SEL1L2: variants seen among roughly 807,000 people sequenced by gnomAD.
SEL1L2 encodes the protein SEL1L2 adaptor subunit of SYVN1 ubiquitin ligase.
A neutral mutation model predicts 98.8 loss-of-function variants in SEL1L2; 89 were observed. The observed-to-expected ratio is 0.90, with a 90% CI of 0.76 to 1.07. The LOEUF is 1.07. Ranked by LOEUF, SEL1L2 falls within the 50% of genes least tolerant of loss-of-function variation. The probability of loss-of-function intolerance (pLI) is 0.00; values close to 1 mark genes in which losing one functional copy is unlikely to be tolerated. For missense variants in SEL1L2, 788 were observed against 812.0 expected, an observed-to-expected ratio of 0.97 and a Z score of 0.36; for synonymous variants, 262 against 278.5, an observed-to-expected ratio of 0.94 and a Z score of 0.59.
intron 3 of SEL1L2, among the ~76,000 whole-genome samples, chr20:13,927,704 C>T (rs1434136043): frequency 1.3e-5 from 2 of 152,144 alleles, no homozygotes; most frequent in Non-Finnish European, 2.9e-5. Context: ...ATATCTCAAG[C>T]ATATCCTGTG....
intron 2 of SEL1L2, 134 bp from the exon 3 acceptor site, chr20:13,931,905 T>G: frequency 1.6e-6 from 1 of 635,706 alleles, no homozygotes; most frequent in Non-Finnish European, 2.4e-6. Flanking sequence ...CTTGCTTTTT[T>G]CAAATCAAAA....
chr20:13,881,538 T>A (rs983024774), intron 10 of SEL1L2, among the ~76,000 whole-genome samples: 1 of 152,222 alleles, frequency 6.6e-6, no homozygotes, highest in Non-Finnish European at 1.5e-5. Context: ...TTCATATATT[T>A]AGAAATGCAA....
At chr20:13,851,859 C>T (rs190272402) in intron 18 of SEL1L2, among the ~76,000 whole-genome samples, 2 of 149,342 alleles carry the variant, frequency 1.3e-5, no homozygotes, top group East Asian at 2.0e-4. Flanking sequence ...TGTTTTTTTG[C>T]GGGGGGTGGG....
chr20:13,960,787 C>T (rs1365088850), intron 1 of SEL1L2, among the ~76,000 whole-genome samples: 3 of 152,054 alleles, frequency 2.0e-5, no homozygotes, highest in East Asian at 1.9e-4. Flanking sequence ...CACAATCTAC[C>T]GGGTACAGGA....
At chr20:13,938,841 T>G (rs1286289662) in intron 2 of SEL1L2, among the ~76,000 whole-genome samples, 1 of 152,084 alleles carries the variant, frequency 6.6e-6, no homozygotes, top group Non-Finnish European at 1.5e-5. Flanking sequence ...TATTACTATA[T>G]TAACTATATA....
intron 17 of SEL1L2, among the ~76,000 whole-genome samples, chr20:13,863,080 G>A (rs1276530732): frequency 6.6e-6 from 1 of 152,154 alleles, no homozygotes; most frequent in Non-Finnish European, 1.5e-5. Flanking sequence ...GTAACTGGGA[G>A]CAAGAACTTA....
chr20:13,973,517 GC>G (rs2051381747), intron 1 of SEL1L2: 1 of 152,222 alleles, frequency 6.6e-6, no homozygotes, highest in Admixed American at 6.5e-5. Context: ...TGTGGGTATT[GC>G]AGAGTGTGCT....
At chr20:13,935,216 G>T (rs2049394812) in intron 2 of SEL1L2, among the ~76,000 whole-genome samples, 1 of 152,122 alleles carries the variant, frequency 6.6e-6, no homozygotes, top group African/African-American at 2.4e-5. Flanking sequence ...GGCTTTCTCT[G>T]ACTCTCCAAG....
chr20:13,892,157 T>G (rs1430545117), intron 5 of SEL1L2, among the ~76,000 whole-genome samples: 1 of 152,174 alleles, frequency 6.6e-6, no homozygotes, highest in Non-Finnish European at 1.5e-5. Flanking sequence ...TAGATTGTTA[T>G]AAGATATTTT....
At chr20:13,971,183 G>A (rs2051268237) in intron 1 of SEL1L2, among the ~76,000 whole-genome samples, 1 of 151,856 alleles carries the variant, frequency 6.6e-6, no homozygotes, top group Non-Finnish European at 1.5e-5. Flanking sequence ...TATTTGATAT[G>A]GTGTGTATGT....
At chr20:13,919,216 A>T in intron 3 of SEL1L2, 93 bp from the exon 4 acceptor site, 1 of 729,728 alleles carries the variant, frequency 1.4e-6, no homozygotes, top group East Asian at 2.8e-5. Context: ...GGCATATTAG[A>T]GTTCTGTTCT....
At chr20:13,942,997 T>C (rs998790788) in intron 2 of SEL1L2, among the ~76,000 whole-genome samples, 1 of 152,142 alleles carries the variant, frequency 6.6e-6, no homozygotes, top group African/African-American at 2.4e-5. Flanking sequence ...TAAGATTTTT[T>C]AAAACAAAGC....
At position 13,933,063 on chromosome 20, in the gene SEL1L2, C is replaced by T. The variant is rs75742801; in HGVS notation, c.115-1292G>A. Among the ~76,000 whole-genome samples, 5 of 151,966 alleles carry T rather than the reference C, an allele frequency of 3.3e-5. No individual in the cohort carries two copies. The East Asian group carries it at 5.8e-4, about 18-fold the overall frequency. On this transcript the variant is annotated intron_variant, in intron 2 of 19. Transcript: ENST00000284951. Reference sequence around the variant, plus strand: ...TCTCTACTAAAAATACAAAAAAATTCGCCAGGCCTGGTGGTGTGTGCCTGT... The same window carrying T: ...TCTCTACTAAAAATACAAAAAAATTTGCCAGGCCTGGTGGTGTGTGCCTGT...
Position 13,857,357 on chromosome 20 carries a change from T to C in SEL1L2, c.1818+1905A>G, listed in dbSNP as rs200297477. On this transcript the variant is annotated intron_variant, in intron 18 of 19. Transcript: ENST00000284951. ...CCAGAGAGAAACTTAAGTGTTTTCC[T>C]GAATGTATGAAACGTGTGTCTCAAC... is the stretch of plus-strand genomic sequence containing the variant. Among the ~76,000 whole-genome samples, 7 of 152,350 alleles carry C rather than the reference T, an allele frequency of 4.6e-5. No homozygotes were observed. In the East Asian group the frequency reaches 1.2e-3, roughly 25 times the overall value.
chr20:13,861,610 AT>A (rs1365520950), intron 17 of SEL1L2, among the ~76,000 whole-genome samples: 1 of 152,196 alleles, frequency 6.6e-6, no homozygotes, highest in East Asian at 1.9e-4. Flanking sequence ...CAATTTTAGA[AT>A]ATTTTAATCG....
At position 13,931,714 on chromosome 20, in the gene SEL1L2, T is replaced by C. The variant is rs752292254; in HGVS notation, c.172A>G (p.Ser58Gly). 1.3e-6 allele frequency: 2 copies of C among 1,570,230 alleles called. No homozygotes were observed. Among genetic ancestry groups the C allele is most frequent in the East Asian group, 4.6e-5 (2 of 43,736 alleles). Residue 58 changes from serine to glycine, a missense_variant, in exon 3 of 20, where the codon AGT (serine) becomes GGT (glycine). Coordinates refer to ENST00000284951, the MANE Select transcript of SEL1L2 (RefSeq NM_025229.2). ...LSHILEQRTS[S>G]NVINKRENLL... is the part of the protein sequence containing the mutation. ...TTTTCTCTTTTATTGATTACATTAC[T>C]AGATGTTCTTTGTTCCAATATGTGT...
At chr20:13,913,418 T>C (rs1387668330) in intron 5 of SEL1L2, 1 of 158,158 alleles carries the variant, frequency 6.3e-6, no homozygotes, top group Non-Finnish European at 1.4e-5. Flanking sequence ...AGATTTTCTA[T>C]GAAATGGCTA....
At chr20:13,881,499 C>T (rs375345529) in intron 10 of SEL1L2, among the ~76,000 whole-genome samples, 8 of 152,232 alleles carry the variant, frequency 5.3e-5, no homozygotes, top group African/African-American at 1.2e-4. Context: ...CCAAACATCC[C>T]GCTTTCCTAA....
intron 5 of SEL1L2, among the ~76,000 whole-genome samples, chr20:13,896,515 C>A (rs6105182): frequency 0.45 from 66,770 of 148,432 alleles, 15,141 homozygotes; most frequent in South Asian, 0.62. Context: ...CTCCCCCCCC[C>A]CCCACACACA....
Sources: gnomAD v4.1 joint callset for allele counts (sites outside exome capture counted in the v4.1 genomes callset) on GRCh38, gnomAD v4.1.1 for gene constraint, MANE v1.5 for transcripts, NCBI Gene and HGNC (gene_info 2026-07-23, HGNC 2026-07-21) for gene names.